Variants in CD300LG observed in about 807,000 individuals in gnomAD.
CD300LG encodes CMRF35-like molecule 9.
In CD300LG, 29 loss-of-function variants were observed where a neutral mutation model predicts 31.5. The ratio of observed to expected loss-of-function variants is 0.92; its 90% CI spans 0.68 to 1.25. The LOEUF (loss-of-function observed/expected upper bound fraction) is 1.25, where lower values mean the gene tolerates loss of function less well. Among genes scored for constraint, CD300LG ranks in the 50% most tolerant of loss-of-function variants. The pLI, the probability that CD300LG is intolerant of heterozygous loss-of-function variation, is 0.00. For synonymous variants in CD300LG, 175 were observed against 177.2 expected (o/e 0.99, Z 0.10); for missense variants, 396 against 417.6 (o/e 0.95, Z 0.45).
chr17:43,847,200 G>A lies in CD300LG; in HGVS notation c.-17G>A, dbSNP rs774562044. The A allele has an allele frequency of 4.3e-6, 7 of 1,613,458 alleles. No homozygotes were observed. The highest frequency in any genetic ancestry group is 2.7e-5 in the African/African-American group (2 of 74,930). ...CACAGTTCCCAGCGTCTGCTCCCACGGTGTCCAGCGCCCAGAATGCGGCTT... is the reference window on the plus strand; with the variant it reads ...CACAGTTCCCAGCGTCTGCTCCCACAGTGTCCAGCGCCCAGAATGCGGCTT... On this transcript the variant is annotated 5_prime_UTR_variant, in exon 1 of 7. Coordinates refer to ENST00000317310, the MANE Select transcript of CD300LG (RefSeq NM_145273.4).
chr17:43,847,286 G>C (rs1404626086), intron 1 of CD300LG, 27 bp downstream of exon 1: 1 of 1,612,844 alleles, frequency 6.2e-7, no homozygotes, highest in Non-Finnish European at 8.5e-7. Flanking sequence ...GTCTCGGGAG[G>C]GATGTGGGGC....
chr17:43,850,853 A>G (rs529215321), intron 2 of CD300LG, among the ~76,000 whole-genome samples: 5 of 152,250 alleles, frequency 3.3e-5, no homozygotes, highest in Non-Finnish European at 7.4e-5. Context: ...TAAGAAGTAT[A>G]AGTCCCGGCA....
chr17:43,859,635 T>C (rs576544484), intron 6 of CD300LG, among the ~76,000 whole-genome samples: 1 of 152,252 alleles, frequency 6.6e-6, no homozygotes, highest in African/African-American at 2.4e-5. Flanking sequence ...AAGCTGTAAA[T>C]ATGGACTCAT....
At position 43,861,873 on chromosome 17, in the gene CD300LG, G is replaced by A; in HGVS notation, c.961G>A (p.Glu321Lys). The part of the protein sequence containing the change: ...VISMPPLHTS[E>K]EELGFSKFVS... ...CTCGATGCCTCCCCTCCACACATCT[G>A]AGGAGGAGCTGGGCTTCTCGAAGTT... is the stretch of plus-strand genomic sequence containing the variant. Residue 321 changes from glutamate to lysine, a missense_variant, in exon 7 of 7, where the codon GAG becomes AAG. Coordinates refer to ENST00000317310, the MANE Select transcript of CD300LG (RefSeq NM_145273.4). 1 of 1,612,528 alleles carries A rather than the reference G, an allele frequency of 6.2e-7. No individual in the cohort carries two copies. The highest frequency in any genetic ancestry group is 8.5e-7 in the Non-Finnish European group (1 of 1,179,410).
At chr17:43,858,101 G>A (rs556482323) in intron 6 of CD300LG, 2 of 1,375,290 alleles carry the variant, frequency 1.5e-6, no homozygotes, top group African/African-American at 2.9e-5. Context: ...ACAAGGGCAG[G>A]AAAGCGGAGC....
intron 1 of CD300LG, 75 bp downstream of exon 1, chr17:43,847,334 G>A (rs1430143933): frequency 6.8e-7 from 1 of 1,462,356 alleles, no homozygotes; most frequent in East Asian, 2.7e-5. Flanking sequence ...CCTCTTGACT[G>A]ACTGATAGCC....
rs1000883395 is a variant in CD300LG, at chr17:43,849,163, C to T, written c.379+270C>T. 7 of 550,846 alleles carry T rather than the reference C, an allele frequency of 1.3e-5. No individual in the cohort carries two copies. In the African/African-American group the frequency reaches 1.3e-4, roughly 10 times the overall value. The allele number at this position is 550,846 out of a possible 1,614,324, so 34.1% of individuals were successfully genotyped here. A position where few individuals can be genotyped will look rare whatever the true frequency, so the allele number is the denominator to read the frequency against. ...TCCAGGGCTGGGCTCGGCGCCTTTCCTTTCTGCCCAGGTGTGCTGGAGGGA... is the reference window on the plus strand; with the variant it reads ...TCCAGGGCTGGGCTCGGCGCCTTTCTTTTCTGCCCAGGTGTGCTGGAGGGA... On this transcript the variant is annotated intron_variant, in intron 2 of 6. Coordinates refer to ENST00000317310, the MANE Select transcript of CD300LG (RefSeq NM_145273.4).
At chr17:43,847,857 G>A (rs1337518919) in intron 1 of CD300LG, among the ~76,000 whole-genome samples, 1 of 152,134 alleles carries the variant, frequency 6.6e-6, no homozygotes, top group East Asian at 1.9e-4. Flanking sequence ...AGGCTAAGGT[G>A]GGAGGATCGC....
intron 2 of CD300LG, among the ~76,000 whole-genome samples, chr17:43,851,155 AAG>A (rs201427332): frequency 0.071 from 7,943 of 111,108 alleles, 850 homozygotes; most frequent in African/African-American, 0.23. Flanking sequence ...AAAAAAAAAA[AAG>A]AAGAAGAAGT....
Position 43,855,270 on chromosome 17 carries a change from C to T in CD300LG, c.783C>T (p.Ala261=), listed in dbSNP as rs1410214718. 8.1e-6 allele frequency: 13 copies of T among 1,607,966 alleles called. No homozygotes were observed. Among genetic ancestry groups the T allele is most frequent in the Admixed American group, 5.1e-5 (3 of 59,370 alleles). The part of the protein sequence containing the change: ...PVLVLLSLLS[A]AGLIAFCSHL... ...TGGTGCTGCTGAGCCTTCTGTCAGCCGCAGGCCTGATCGCCTTCTGCAGCC... is the reference window on the plus strand; with the variant it reads ...TGGTGCTGCTGAGCCTTCTGTCAGCTGCAGGCCTGATCGCCTTCTGCAGCC... The change falls in exon 5 of 7, where the codon GCC becomes GCT. Residue 261 remains alanine, a synonymous_variant. Coordinates refer to ENST00000317310, the MANE Select transcript of CD300LG (RefSeq NM_145273.4).
chr17:43,847,439 T>A lies in CD300LG; in HGVS notation c.43+180T>A, dbSNP rs185585393. The stretch of plus-strand genomic sequence containing the variant: ...GGTGGCGCCGGGGCCGCACTTGCTG[T>A]TTCTGGAACCTAGAGCCAGGTTTTC... On this transcript the variant is annotated intron_variant, in intron 1 of 6. Transcript: ENST00000317310. Among the ~76,000 whole-genome samples the A allele has an allele frequency of 1.5e-4, 23 of 152,286 alleles. 1 individual carries two copies. The East Asian group carries it at 1.7e-3, about 12-fold the overall frequency.
At chr17:43,852,818 G>A in intron 2 of CD300LG, 94 bp from the exon 3 acceptor site, 4 of 989,946 alleles carry the variant, frequency 4.0e-6, no homozygotes, top group Non-Finnish European at 6.1e-6. Flanking sequence ...TCTGTGCTGA[G>A]GTGGGGGGTA....
rs79872999 is a variant in CD300LG at position 43,851,934 on chromosome 17, G to A, written c.380-978G>A. ...GAGGCACGCACAGGGGACTGTGAGT[G>A]CACAGAGGAAAAAGAGATTCGCTGC... On this transcript the variant is annotated intron_variant, in intron 2 of 6. Coordinates refer to ENST00000317310, the MANE Select transcript of CD300LG (RefSeq NM_145273.4). Among the ~76,000 whole-genome samples, 780 of 152,188 alleles carry A rather than the reference G, an allele frequency of 5.1e-3. 20 individuals carry two copies. In the East Asian group the frequency reaches 0.064, roughly 13 times the overall value.
chr17:43,857,993 G>A lies in CD300LG; in HGVS notation c.885+837G>A, dbSNP rs543500342. ...GCCCTCCGAGGCCAGCACTCCAACG[G>A]AGGGGGCTGCAGCATCGCACTTCAG... On this transcript the variant is annotated intron_variant, in intron 6 of 6. Transcript: ENST00000317310. 1.0e-3 allele frequency: 1,519 copies of A among 1,494,452 alleles called. 2 individuals carry two copies. The highest frequency in any genetic ancestry group is 1.3e-3 in the Non-Finnish European group (1,468 of 1,127,504). The allele number at this position is 1,494,452 out of a possible 1,614,324, so 92.6% of individuals were successfully genotyped here.
rs750623950 is a variant in CD300LG, at chr17:43,848,848, C to T, written c.334C>T (p.Arg112Trp). 2.9e-5 allele frequency: 47 copies of T among 1,613,902 alleles called. No homozygotes were observed. Among genetic ancestry groups the T allele is most frequent in the African/African-American group, 2.5e-4 (19 of 74,864 alleles). The change falls in exon 2 of 7, where the codon CGG becomes TGG. Residue 112 changes from arginine (R) to tryptophan (W), a missense_variant. Coordinates refer to ENST00000317310, the MANE Select transcript of CD300LG (RefSeq NM_145273.4). Reference protein sequence around the residue: ...AGEYWCGVEKRGPDESLLISL... With the variant: ...AGEYWCGVEKWGPDESLLISL... Reference sequence around the variant, plus strand: ...GGAGTACTGGTGTGGGGTCGAAAAACGGGGCCCCGATGAGTCTTTACTGAT... The same window carrying T: ...GGAGTACTGGTGTGGGGTCGAAAAATGGGGCCCCGATGAGTCTTTACTGAT...
intron 6 of CD300LG, chr17:43,857,591 C>T (rs1008299689): frequency 4.9e-5 from 58 of 1,190,432 alleles, no homozygotes; most frequent in Non-Finnish European, 6.5e-5. Flanking sequence ...GATGCACTCT[C>T]CAGGGCCCCA....
intron 2 of CD300LG, among the ~76,000 whole-genome samples, chr17:43,852,616 G>A (rs1043632560): frequency 6.6e-6 from 1 of 152,210 alleles, no homozygotes; most frequent in Non-Finnish European, 1.5e-5. Context: ...GAGAGGGATG[G>A]GATCCAACAC....
rs763348233 is a variant in CD300LG, at chr17:43,848,884, G to A, written c.370G>A (p.Val124Ile). The change falls in exon 2 of 7, where the codon GTC becomes ATC. Residue 124 changes from valine (V) to isoleucine (I), a missense_variant. By Grantham distance (29) the Val-to-Ile change is conservative. Coordinates refer to ENST00000317310, the MANE Select transcript of CD300LG (RefSeq NM_145273.4). ...PDESLLISLFVFPGPCCPPSP... is the reference protein window; with the variant it reads ...PDESLLISLFIFPGPCCPPSP... ...TGAGTCTTTACTGATCTCTCTGTTC[G>A]TCTTTCCAGGTAACAGATATCTCTC... The A allele has an allele frequency of 4.4e-6, 7 of 1,607,236 alleles. No homozygotes were observed. In the Admixed American group the frequency reaches 5.0e-5, roughly 11 times the overall value.
In CD300LG at chr17:43,862,631, A is replaced by G. The variant is rs1371863053; in HGVS notation, c.*720A>G. On this transcript the variant is annotated 3_prime_UTR_variant, in exon 7 of 7. Coordinates refer to ENST00000317310, the MANE Select transcript of CD300LG (RefSeq NM_145273.4). ...GGCTGTGACGTCTCCCACCTGCCCC[A>G]ATAAGATCTGCTCTGTCTGCGACAC... is the stretch of plus-strand genomic sequence containing the variant. The G allele has an allele frequency of 1.3e-5, 2 of 152,238 alleles. No individual in the cohort carries two copies. The highest frequency in any genetic ancestry group is 3.9e-4 in the East Asian group (2 of 5,192). 9.4% of individuals were successfully genotyped at this position (152,238 alleles called of 1,614,324 possible).
Sources: allele counts gnomAD v4.1 joint callset (sites outside exome capture counted in the v4.1 genomes callset), GRCh38; gene constraint gnomAD v4.1.1; transcripts MANE v1.5; gene names NCBI Gene and HGNC (gene_info 2026-07-23, HGNC 2026-07-21).